The following SLC4A8 variants were observed in gnomAD, a reference collection of about 807,000 sequenced individuals.
The protein encoded by SLC4A8 is solute carrier family 4 member 8, also known as electroneutral sodium bicarbonate exchanger 1.
In SLC4A8, 40 loss-of-function variants were observed where a neutral mutation model predicts 125.0. The observed-to-expected ratio is 0.32, with a 90% CI of 0.25 to 0.42. The LOEUF (loss-of-function observed/expected upper bound fraction) is 0.42, where lower values mean the gene tolerates loss of function less well. Among genes scored for constraint, SLC4A8 ranks in the 10% least tolerant of loss-of-function variants. The probability of loss-of-function intolerance (pLI) is 1.00; values close to 1 mark genes in which losing one functional copy is unlikely to be tolerated. For synonymous variants in SLC4A8, 456 were observed against 476.0 expected, an observed-to-expected ratio of 0.96 and a Z score of 0.55; for missense variants, 863 against 1,355.1, an observed-to-expected ratio of 0.64 and a Z score of 5.70.
In SLC4A8 at chr12:51,461,226, C is replaced by T. The variant is rs866651829; in HGVS notation, c.1036C>T (p.Pro346Ser). 5.0e-6 allele frequency: 8 copies of T among 1,611,178 alleles called. No individual in the cohort carries two copies. The highest frequency in any genetic ancestry group is 6.8e-6 in the Non-Finnish European group (8 of 1,177,602). The change falls in exon 9 of 25, where the codon CCA (proline) becomes TCA (serine). Residue 346 changes from proline to serine, a missense_variant. By Grantham distance (74) the Pro-to-Ser change is moderately conservative. Around this residue, in one of 6 missense-constraint regions of SLC4A8, gnomAD observed 390 missense variants for 634.4 expected, o/e 0.61. Coordinates refer to ENST00000453097, the MANE Select transcript of SLC4A8 (RefSeq NM_001039960.3). ...CAGATTTTTGTTTATCTTATTGGGT[C>T]CAGTAGGGAAAGGTCAGCAGTACCA... The part of the protein sequence containing the change: ...PTRFLFILLG[P>S]VGKGQQYHEI...
chr12:51,439,969 A>G lies in SLC4A8; in HGVS notation c.49-739A>G, dbSNP rs191898306. Among the ~76,000 whole-genome samples, 497 of 152,320 alleles carry G rather than the reference A, an allele frequency of 3.3e-3. 2 individuals are homozygous for G. Among genetic ancestry groups the G allele is most frequent in the African/African-American group, 0.012 (484 of 41,566 alleles). ...TTACTGAACCACAGTTTCAGACTGC[A>G]GTTGAAATTGTAAGTCTTAAGTGAG... On this transcript the variant is annotated intron_variant, in intron 1 of 24. Transcript: ENST00000453097.
At chr12:51,443,511 T>C (rs1462809832) in intron 2 of SLC4A8, among the ~76,000 whole-genome samples, 2 of 152,146 alleles carry the variant, frequency 1.3e-5, no homozygotes, top group Non-Finnish European at 2.9e-5. Flanking sequence ...TGTGCTTCAG[T>C]GGACTTTCCC....
At chr12:51,420,612 G>A (rs921355450), upstream of SLC4A8, among the ~76,000 whole-genome samples, 1 of 152,060 alleles carries the variant, frequency 6.6e-6, no homozygotes, top group Non-Finnish European at 1.5e-5. Flanking sequence ...ATTTTATAAT[G>A]TCTCCAGGGA....
chr12:51,469,251 AC>A lies in SLC4A8; in HGVS notation c.1350-362del, dbSNP rs368861063. 1.1e-4 allele frequency: 18 copies of A among 164,612 alleles called. No individual in the cohort carries two copies. In the East Asian group the frequency reaches 1.9e-3, roughly 17 times the overall value. The allele number at this position is 164,612 out of a possible 1,614,324, so 10.2% of individuals were successfully genotyped here. On this transcript the variant is annotated intron_variant, in intron 11 of 24. Coordinates refer to ENST00000453097, the MANE Select transcript of SLC4A8 (RefSeq NM_001039960.3). ...TTTTATCTAGAAAACATTTAATAAA[AC>A]TAGTAATTTTAATACCTTAAGTTGG...
intron 16 of SLC4A8, among the ~76,000 whole-genome samples, chr12:51,480,939 A>C (rs1384186085): frequency 2.0e-5 from 3 of 152,252 alleles, no homozygotes; most frequent in Non-Finnish European, 1.5e-5. Flanking sequence ...CCTGCAGTTC[A>C]TAGTGAGAAC....
intron 1 of SLC4A8, among the ~76,000 whole-genome samples, chr12:51,410,852 CTTTCT>C (rs1197967101): frequency 1.0e-4 from 15 of 148,116 alleles, no homozygotes; most frequent in Non-Finnish European, 1.6e-4. Flanking sequence ...TTCGAACAAT[CTTTCT>C]TTTCTTTTCT....
chr12:51,434,734 G>A (rs370131333), intron 1 of SLC4A8, among the ~76,000 whole-genome samples: 1 of 151,964 alleles, frequency 6.6e-6, no homozygotes, highest in Non-Finnish European at 1.5e-5. Context: ...GTTCTCTGTG[G>A]TGTCAGGTGT....
chr12:51,501,241 C>T (rs189225735), intron 22 of SLC4A8, among the ~76,000 whole-genome samples: 2 of 152,318 alleles, frequency 1.3e-5, no homozygotes, highest in East Asian at 3.9e-4. Flanking sequence ...GAGCTTTGGG[C>T]TTCTAATGAT....
chr12:51,440,286 G>A (rs1592186428), intron 1 of SLC4A8, among the ~76,000 whole-genome samples: 1 of 152,258 alleles, frequency 6.6e-6, no homozygotes, highest in East Asian at 1.9e-4. Context: ...CTCATGACAC[G>A]TCCTAGTAAT....
chr12:51,510,475 C>T lies in SLC4A8; in HGVS notation c.*3037C>T, dbSNP rs1302153311. The T allele has an allele frequency of 6.6e-6, 1 of 151,078 alleles. No individual in the cohort carries two copies. Among genetic ancestry groups the T allele is most frequent in the Non-Finnish European group, 1.5e-5 (1 of 67,864 alleles). The allele number at this position is 151,078 out of a possible 1,614,324, so 9.4% of individuals were successfully genotyped here. A position where few individuals can be genotyped will look rare whatever the true frequency, so the allele number is the denominator to read the frequency against. The stretch of plus-strand genomic sequence containing the variant: ...CAATAGGAGGTATTCCTTGATGGCT[C>T]TCGAATGCATGAATGATATATCAAT... On this transcript the variant is annotated 3_prime_UTR_variant, in exon 25 of 25. Transcript: ENST00000453097.
chr12:51,425,586 G>A (rs1268009512), intron 1 of SLC4A8, among the ~76,000 whole-genome samples: 1 of 152,186 alleles, frequency 6.6e-6, no homozygotes, highest in African/African-American at 2.4e-5. Context: ...TCTGGGTAGG[G>A]ACTGCAAACT....
chr12:51,497,323 C>T, intron 22 of SLC4A8, 199 bp downstream of exon 22: 1 of 567,724 alleles, frequency 1.8e-6, no homozygotes, highest in Non-Finnish European at 3.0e-6. Flanking sequence ...GTTTGACAAC[C>T]ACTTATTTTT....
chr12:51,424,966 G>A lies in SLC4A8; in HGVS notation c.-22G>A. ...TGATGCTTGGCTTGGAGCCCGTGGG[G>A]GAGACCTAGTTCGGCTCCGCCATGC... On this transcript the variant is annotated 5_prime_UTR_variant, in exon 1 of 25. Transcript: ENST00000453097. 1.3e-6 allele frequency: 2 copies of A among 1,551,146 alleles called. No homozygotes were observed. The highest frequency in any genetic ancestry group is 1.7e-6 in the Non-Finnish European group (2 of 1,147,362).
intron 1 of SLC4A8, among the ~76,000 whole-genome samples, chr12:51,437,478 C>T (rs1333794281): frequency 2.0e-5 from 3 of 152,114 alleles, no homozygotes; most frequent in Non-Finnish European, 4.4e-5. Context: ...TGAGTTCACC[C>T]AAGATCTGGT....
chr12:51,460,236 G>A (rs1272629165), intron 8 of SLC4A8, 128 bp downstream of exon 8: 18 of 831,066 alleles, frequency 2.2e-5, no homozygotes, highest in Non-Finnish European at 3.6e-5. Context: ...CAATTCAGCA[G>A]AAAAGCCAGA....
At chr12:51,441,938 T>C (rs1949611520) in intron 2 of SLC4A8, among the ~76,000 whole-genome samples, 1 of 152,096 alleles carries the variant, frequency 6.6e-6, no homozygotes, top group African/African-American at 2.4e-5. Flanking sequence ...GAAGAGAACA[T>C]GTGAGTTGCA....
At position 51,450,568 on chromosome 12, in the gene SLC4A8, T is replaced by C. The variant is rs564249955; in HGVS notation, c.131-308T>C. On this transcript the variant is annotated intron_variant, in intron 2 of 24. Transcript: ENST00000453097. ...CTTTTAAAAAAATCACTCAGTCAAA[T>C]TGTCATTGTCATTGTCATAACAATA... 3.6e-5 allele frequency: 10 copies of C among 280,326 alleles called. No homozygotes were observed. In the South Asian group the frequency reaches 5.5e-4, roughly 16 times the overall value. 17.4% of individuals were successfully genotyped at this position (280,326 alleles called of 1,614,324 possible). A position where few individuals can be genotyped will look rare whatever the true frequency, so the allele number is the denominator to read the frequency against.
chr12:51,397,090 C>T lies in SLC4A8; in HGVS notation c.-112+5602C>T, dbSNP rs909871997. Among the ~76,000 whole-genome samples, 403 of 151,948 alleles carry T rather than the reference C, an allele frequency of 2.7e-3. 1 individual carries two copies. The highest frequency in any genetic ancestry group is 9.1e-3 in the African/African-American group (379 of 41,460). On this transcript the variant is annotated intron_variant, in intron 1 of 24. Transcript: ENST00000358657. ...GATTACAGGTGTGTGCCACCACACC[C>T]GGCTAATTTTTGTATTTTTAGTAGA...
chr12:51,457,547 T>C lies in SLC4A8; in HGVS notation c.763+8T>C. ...ATTTGATGGATAAACATGGTAAGAT[T>C]ATTAGGTGATTTTTCTCTCTTTATT... On this transcript the variant is annotated splice_region_variant and intron_variant, in intron 6 of 24. Coordinates refer to ENST00000453097, the MANE Select transcript of SLC4A8 (RefSeq NM_001039960.3). The C allele has an allele frequency of 1.9e-6, 3 of 1,605,388 alleles. No individual in the cohort carries two copies. The highest frequency in any genetic ancestry group is 1.7e-6 in the Non-Finnish European group (2 of 1,175,560).
Sources: gnomAD v4.1 joint callset for allele counts (sites outside exome capture counted in the v4.1 genomes callset) on GRCh38, gnomAD v4.1.1 for gene constraint, gnomAD v4.1.1 regional missense constraint, MANE v1.5 for transcripts, NCBI Gene and HGNC (gene_info 2026-07-23, HGNC 2026-07-21) for gene names.